HSD17B4: variants seen among roughly 807,000 people sequenced by gnomAD.
The protein encoded by HSD17B4 is peroxisomal multifunctional enzyme type 2.
Under a neutral mutation model 101.0 loss-of-function variants are expected in HSD17B4, and 70 were observed. The observed-to-expected ratio is 0.69, with a 90% CI of 0.57 to 0.85. The LOEUF is 0.85. HSD17B4 is among the 40% of genes least tolerant of loss of function. The pLI, the probability that HSD17B4 is intolerant of heterozygous loss-of-function variation, is 0.00. For missense variants in HSD17B4, 984 were observed against 892.4 expected, an observed-to-expected ratio of 1.10 and a Z score of -1.31; for synonymous variants, 347 against 297.1, an observed-to-expected ratio of 1.17 and a Z score of -1.73.
At chr5:119,488,144 T>G (rs1188611708) in intron 8 of HSD17B4, among the ~76,000 whole-genome samples, 2 of 152,204 alleles carry the variant, frequency 1.3e-5, no homozygotes, top group Non-Finnish European at 2.9e-5. Context: ...GTATCTCATT[T>G]GAGCCTTGGA....
chr5:119,526,355 A>G (rs1234327881), intron 19 of HSD17B4, among the ~76,000 whole-genome samples: 1 of 151,542 alleles, frequency 6.6e-6, no homozygotes, highest in African/African-American at 2.4e-5. Context: ...TATCATTTTC[A>G]TTAATTTAAT....
chr5:119,533,102 G>A (rs1165339571), intron 22 of HSD17B4, among the ~76,000 whole-genome samples: 1 of 152,052 alleles, frequency 6.6e-6, no homozygotes, highest in Non-Finnish European at 1.5e-5. Flanking sequence ...AGTTCATTCA[G>A]ATAAGGACTT....
intron 2 of HSD17B4, 90 bp from the exon 3 acceptor site, chr5:119,473,818 A>G: frequency 1.3e-6 from 1 of 790,288 alleles, no homozygotes; most frequent in South Asian, 1.4e-5. Flanking sequence ...GAGATGTGCT[A>G]GTAATTAGAA....
At chr5:119,459,219 A>G (rs1488684762) in intron 2 of HSD17B4, among the ~76,000 whole-genome samples, 1 of 152,216 alleles carries the variant, frequency 6.6e-6, no homozygotes, top group Non-Finnish European at 1.5e-5. Context: ...AAGTCAGGCC[A>G]AGTTTTAAAT....
At chr5:119,467,090 G>A (rs1272890376) in intron 2 of HSD17B4, among the ~76,000 whole-genome samples, 1 of 152,152 alleles carries the variant, frequency 6.6e-6, no homozygotes, top group African/African-American at 2.4e-5. Context: ...TGTGTCCAAA[G>A]TTCTTGTTAT....
At chr5:119,481,918 T>C (rs186712158) in intron 8 of HSD17B4, among the ~76,000 whole-genome samples, 104 of 152,170 alleles carry the variant, frequency 6.8e-4, no homozygotes, top group Admixed American at 1.0e-3. Flanking sequence ...GCATTTTTTT[T>C]CCCCCTCTGT....
chr5:119,476,677 A>C, intron 6 of HSD17B4: 2 of 985,554 alleles, frequency 2.0e-6, no homozygotes, highest in Non-Finnish European at 2.4e-6. Context: ...ATTTGCTGGC[A>C]AAGGGGGCCT....
At chr5:119,455,306 C>T (rs1317822597) in intron 1 of HSD17B4, among the ~76,000 whole-genome samples, 1 of 152,118 alleles carries the variant, frequency 6.6e-6, no homozygotes, top group Non-Finnish European at 1.5e-5. Context: ...ATCACGAGGT[C>T]AAGAGATCGA....
At chr5:119,528,157 G>T (rs1396543777) in intron 20 of HSD17B4, among the ~76,000 whole-genome samples, 2 of 151,984 alleles carry the variant, frequency 1.3e-5, no homozygotes, top group African/African-American at 2.4e-5. Context: ...GAAAATCTAG[G>T]TTCCTAAGAA....
At chr5:119,496,139 T>C (rs527677700) in intron 11 of HSD17B4, among the ~76,000 whole-genome samples, 1 of 152,298 alleles carries the variant, frequency 6.6e-6, no homozygotes, top group South Asian at 2.1e-4. Flanking sequence ...AATCTTGGCA[T>C]TCTTTCATCC....
At chr5:119,520,426 G>T (rs1753014555) in intron 17 of HSD17B4, among the ~76,000 whole-genome samples, 1 of 151,962 alleles carries the variant, frequency 6.6e-6, no homozygotes, top group Non-Finnish European at 1.5e-5. Context: ...TAGATTTCTG[G>T]AGTTATTTTT....
intron 17 of HSD17B4, among the ~76,000 whole-genome samples, chr5:119,522,925 A>AT (rs1163631001): frequency 6.6e-6 from 1 of 151,928 alleles, no homozygotes; most frequent in East Asian, 1.9e-4. Flanking sequence ...TCTGGGAGTG[A>AT]TTTTCCTTTT....
chr5:119,529,340 CT>C (rs1295479984), intron 20 of HSD17B4, among the ~76,000 whole-genome samples: 15 of 152,144 alleles, frequency 9.9e-5, no homozygotes, highest in African/African-American at 3.6e-4. Flanking sequence ...TTAGTTCATG[CT>C]GTGTACACTT....
At chr5:119,521,672 C>G (rs1753124001) in intron 17 of HSD17B4, among the ~76,000 whole-genome samples, 1 of 151,726 alleles carries the variant, frequency 6.6e-6, no homozygotes, top group Non-Finnish European at 1.5e-5. Context: ...ATTTAGTCTT[C>G]ATTTCTTATA....
chr5:119,530,012 T>A (rs1420934877), intron 21 of HSD17B4, 32 bp downstream of exon 21: 1 of 1,279,602 alleles, frequency 7.8e-7, no homozygotes, highest in Non-Finnish European at 1.1e-6. Context: ...CCAAGCCACT[T>A]CCTCATTTAG....
chr5:119,520,503 A>G (rs948766362), intron 17 of HSD17B4, among the ~76,000 whole-genome samples: 1 of 152,184 alleles, frequency 6.6e-6, no homozygotes, highest in Non-Finnish European at 1.5e-5. Context: ...ATTCTAATCT[A>G]TATTTGTAAC....
At chr5:119,461,387 T>C (rs1755220134) in intron 2 of HSD17B4, among the ~76,000 whole-genome samples, 1 of 152,198 alleles carries the variant, frequency 6.6e-6, no homozygotes, top group Non-Finnish European at 1.5e-5. Context: ...AATAATGAGC[T>C]ACAAATTATA....
chr5:119,525,033 A>G (rs1580695122), intron 17 of HSD17B4, among the ~76,000 whole-genome samples, 183 bp from the exon 18 acceptor site: 1 of 152,098 alleles, frequency 6.6e-6, no homozygotes, highest in African/African-American at 2.4e-5. Context: ...TTTAGTGGCA[A>G]GTGTTAAAAA....
chr5:119,455,268 C>G (rs983016256), intron 1 of HSD17B4, among the ~76,000 whole-genome samples: 2 of 152,154 alleles, frequency 1.3e-5, no homozygotes, highest in Non-Finnish European at 2.9e-5. Context: ...CCTGTAATCC[C>G]AGCACTTTGG....
Sources: allele counts gnomAD v4.1 joint callset (sites outside exome capture counted in the v4.1 genomes callset), GRCh38; gene constraint gnomAD v4.1.1; transcripts MANE v1.5; gene names NCBI Gene and HGNC (gene_info 2026-07-23, HGNC 2026-07-21).